Variants in VCAM1 observed in about 807,000 individuals in gnomAD.
The protein encoded by VCAM1 is vascular cell adhesion protein 1.
A neutral mutation model predicts 63.8 loss-of-function variants in VCAM1; 41 were observed. The ratio of observed to expected loss-of-function variants is 0.64; its 90% CI spans 0.50 to 0.83. The LOEUF (loss-of-function observed/expected upper bound fraction) is 0.83. Among genes scored for constraint, VCAM1 ranks in the 40% least tolerant of loss-of-function variants. The pLI, the probability that VCAM1 is intolerant of heterozygous loss-of-function variation, is 0.00. For synonymous variants in VCAM1, 338 were observed against 320.7 expected (o/e 1.05, Z -0.58); for missense variants, 798 against 875.5 (o/e 0.91, Z 1.12).
At chr1:100,722,482 A>G (rs556000282) in intron 2 of VCAM1, among the ~76,000 whole-genome samples, 2 of 152,230 alleles carry the variant, frequency 1.3e-5, no homozygotes, top group African/African-American at 2.4e-5. Context: ...AAATGGAAAT[A>G]TATCTGCCCT....
At chr1:100,734,211 G>A (rs550290664) in intron 7 of VCAM1, among the ~76,000 whole-genome samples, 4 of 152,138 alleles carry the variant, frequency 2.6e-5, no homozygotes, top group Non-Finnish European at 5.9e-5. Context: ...GTTGAGACCT[G>A]GATGGGGACA....
chr1:100,726,660 G>A (rs1660171666), intron 4 of VCAM1, among the ~76,000 whole-genome samples: 1 of 151,932 alleles, frequency 6.6e-6, no homozygotes. Context: ...ATGCTATTCT[G>A]TTCAGTTCAA....
rs145440082 is a variant in VCAM1, at chr1:100,723,330, G to T, written c.651G>T (p.Leu217Phe). The T allele has an allele frequency of 2.5e-6, 4 of 1,612,112 alleles. No individual in the cohort carries two copies. In the East Asian group the frequency reaches 8.9e-5, roughly 36 times the overall value. Residue 217 changes from leucine to phenylalanine, a missense_variant, in exon 3 of 9, where the codon TTG becomes TTT. Physicochemically the swap from Leu to Phe is conservative, Grantham distance 22 (BLOSUM62 0). Transcript: ENST00000294728. ...VPTVRQAVKE[L>F]QVYISPKNTV... ...CAGTAAGGCAGGCTGTAAAAGAATT[G>T]CAAGTCTACAGTAAGTACTTGTGCG...
rs1660721723 is a variant in VCAM1, at chr1:100,738,109, T to C, written c.2060-14T>C. On this transcript the variant is annotated splice_polypyrimidine_tract_variant and intron_variant, in intron 8 of 8. Coordinates refer to ENST00000294728, the MANE Select transcript of VCAM1 (RefSeq NM_001078.4). ...GTACTAGACATTAATTGCATCCATT[T>C]TGTTATTTTCCAGGAAGAGAAAACA... 3 of 1,611,112 alleles carry C rather than the reference T, an allele frequency of 1.9e-6. No individual in the cohort carries two copies. The highest frequency in any genetic ancestry group is 2.5e-6 in the Non-Finnish European group (3 of 1,178,930).
At position 100,723,473 on chromosome 1, in the gene VCAM1, A is replaced by G. The variant is rs542598498; in HGVS notation, c.661+133A>G. The G allele has an allele frequency of 1.2e-5, 11 of 912,472 alleles. No individual in the cohort carries two copies. The South Asian group carries it at 1.3e-4, about 11-fold the overall frequency. 56.5% of individuals were successfully genotyped at this position (912,472 alleles called of 1,614,324 possible). A position where few individuals can be genotyped will look rare whatever the true frequency, so the allele number is the denominator to read the frequency against. On this transcript the variant is annotated intron_variant, in intron 3 of 8. Transcript: ENST00000294728. ...TGTATTCCATTTGTATTCATTCACA[A>G]CATAATGTTTGTCAATAGTATAATT...
At chr1:100,727,424 G>A (rs956203667) in intron 4 of VCAM1, among the ~76,000 whole-genome samples, 3 of 151,996 alleles carry the variant, frequency 2.0e-5, no homozygotes, top group African/African-American at 7.2e-5. Flanking sequence ...ATTCTCAAGT[G>A]ACCAGGAAAG....
At position 100,732,550 on chromosome 1, in the gene VCAM1, G is replaced by C; in HGVS notation, c.1658G>C (p.Gly553Ala). 6.2e-7 allele frequency: 1 copy of C among 1,613,104 alleles called. No individual in the cohort carries two copies. ...KILWSRQLPN[G>A]ELQPLSENAT... ...CTGTGGAGCAGGCAGCTCCCTAACG[G>C]GGAGCTACAGCCTCTTTCTGAGAAT... is the stretch of plus-strand genomic sequence containing the variant. Residue 553 changes from glycine to alanine, a missense_variant, in exon 7 of 9, where the codon GGG becomes GCG. Gly to Ala is a moderately conservative substitution (Grantham distance 60). Coordinates refer to ENST00000294728, the MANE Select transcript of VCAM1 (RefSeq NM_001078.4).
At chr1:100,729,858 T>G (rs1464300028) in intron 5 of VCAM1, among the ~76,000 whole-genome samples, 1 of 152,032 alleles carries the variant, frequency 6.6e-6, no homozygotes, top group Non-Finnish European at 1.5e-5. Flanking sequence ...GAAGTTAGAT[T>G]GGGGATGGGG....
At chr1:100,732,392 G>A in intron 6 of VCAM1, 26 bp from the exon 7 acceptor site, 2 of 1,519,968 alleles carry the variant, frequency 1.3e-6, no homozygotes. Context: ...AATAGGTCAA[G>A]CTAACAAGCG....
chr1:100,730,773 C>A (rs1024530762), intron 5 of VCAM1, among the ~76,000 whole-genome samples: 1 of 152,072 alleles, frequency 6.6e-6, no homozygotes, highest in Non-Finnish European at 1.5e-5. Flanking sequence ...ACTCATTTTA[C>A]ACAGCTGCTT....
In VCAM1 at chr1:100,720,762, T is replaced by G. The variant is rs753419388; in HGVS notation, c.340+11T>G. The G allele has an allele frequency of 6.4e-7, 1 of 1,568,632 alleles. No individual in the cohort carries two copies. The highest frequency in any genetic ancestry group is 2.0e-5 in the Admixed American group (1 of 50,644). On this transcript the variant is annotated intron_variant, in intron 2 of 8. Coordinates refer to ENST00000294728, the MANE Select transcript of VCAM1 (RefSeq NM_001078.4). ...AGGTGGAGATCTACTGTGAGTGCTT[T>G]AGAAAATCTTTGTTTTTCTCTCAAT... is the stretch of plus-strand genomic sequence containing the variant.
At chr1:100,728,715 AATATATAT>A (rs35811606) in intron 4 of VCAM1, among the ~76,000 whole-genome samples, 7 of 145,008 alleles carry the variant, frequency 4.8e-5, no homozygotes, top group South Asian at 2.2e-4. Context: ...ATTAAATGAG[AATATATAT>A]ATATATATAT....
chr1:100,738,570 C>A lies in VCAM1; in HGVS notation c.*287C>A, dbSNP rs3783618. 8.3e-3 allele frequency: 1,606 copies of A among 193,128 alleles called. 21 individuals carry two copies. The highest frequency in any genetic ancestry group is 0.035 in the African/African-American group (1,524 of 43,230). The allele number at this position is 193,128 out of a possible 1,614,324, so 12.0% of individuals were successfully genotyped here. On this transcript the variant is annotated 3_prime_UTR_variant, in exon 9 of 9. Transcript: ENST00000294728. ...TATGTAAAATAAAATTATGCCATAG[C>A]AAGATTGCTTAAAATAGCAACACTC...
intron 6 of VCAM1, among the ~76,000 whole-genome samples, chr1:100,732,006 T>C (rs1660479855): frequency 6.6e-6 from 1 of 152,196 alleles, no homozygotes; most frequent in Non-Finnish European, 1.5e-5. Flanking sequence ...ACAGTGTTAC[T>C]TCTTCTTCCA....
At chr1:100,723,479 T>C in intron 3 of VCAM1, 139 bp downstream of exon 3, 1 of 903,036 alleles carries the variant, frequency 1.1e-6, no homozygotes, top group Non-Finnish European at 1.6e-6. Flanking sequence ...CACAACATAA[T>C]GTTTGTCAAT....
rs755371683 is a variant in VCAM1, at chr1:100,724,808, G to A, written c.846G>A (p.Arg282=). Residue 282 remains arginine, a synonymous_variant, in exon 4 of 9, where the codon AGG becomes AGA. Transcript: ENST00000294728. The stretch of plus-strand genomic sequence containing the variant: ...CAACTCTCACCTTAATTGCTATGAG[G>A]ATGGAAGATTCTGGAATTTATGTGT... The part of the protein sequence containing the change: ...GNATLTLIAM[R]MEDSGIYVCE... 1.4e-5 allele frequency: 23 copies of A among 1,612,936 alleles called. No individual in the cohort carries two copies. The highest frequency in any genetic ancestry group is 1.7e-5 in the Non-Finnish European group (20 of 1,179,440).
chr1:100,731,219 T>C lies in VCAM1; in HGVS notation c.1226T>C (p.Ile409Thr). The C allele has an allele frequency of 2.5e-6, 4 of 1,603,652 alleles. No homozygotes were observed. The highest frequency in any genetic ancestry group is 3.4e-6 in the Non-Finnish European group (4 of 1,175,058). ...ELYSFPRDPE[I>T]EMSGGLVNGS... ...GCAGCATTCCCTAGAGATCCAGAAATCGAGATGAGTGGTGGCCTCGTGAAT... is the reference window on the plus strand; with the variant it reads ...GCAGCATTCCCTAGAGATCCAGAAACCGAGATGAGTGGTGGCCTCGTGAAT... The change falls in exon 6 of 9, where the codon ATC (isoleucine) becomes ACC (threonine). Residue 409 changes from isoleucine (I) to threonine (T), a missense_variant. Coordinates refer to ENST00000294728, the MANE Select transcript of VCAM1 (RefSeq NM_001078.4). This position sits in a 1 kb window ranked among gnomAD's most constrained non-coding sequence, Gnocchi z 4.2.
chr1:100,720,108 G>A (rs1437297559), intron 1 of VCAM1, among the ~76,000 whole-genome samples, 184 bp downstream of exon 1: 1 of 152,048 alleles, frequency 6.6e-6, no homozygotes, highest in Non-Finnish European at 1.5e-5. Context: ...TACTGTCATA[G>A]TTAGAGCTGA....
intron 2 of VCAM1, among the ~76,000 whole-genome samples, chr1:100,722,619 AAATGT>A (rs1325378220): frequency 6.6e-6 from 1 of 152,056 alleles, no homozygotes; most frequent in Non-Finnish European, 1.5e-5. Flanking sequence ...CAAGTTATGT[AAATGT>A]ACTAAGTCCA....
Sources: allele counts gnomAD v4.1 joint callset (sites outside exome capture counted in the v4.1 genomes callset), GRCh38; gene constraint gnomAD v4.1.1; non-coding constraint Gnocchi (gnomAD v3.1); transcripts MANE v1.5; gene names NCBI Gene and HGNC (gene_info 2026-07-23, HGNC 2026-07-21).